SMDT1: variants seen among roughly 807,000 people sequenced by gnomAD.
SMDT1 encodes single-pass membrane protein with aspartate rich tail 1, also known as essential MCU regulator, mitochondrial.
In SMDT1, 6 loss-of-function variants were observed where a neutral mutation model predicts 5.9. The ratio of observed to expected loss-of-function variants is 1.03; its 90% CI spans 0.56 to 2.02. The LOEUF is 2.02. Among genes scored for constraint, SMDT1 ranks in the 30% most tolerant of loss-of-function variants. The pLI is 0.00. For synonymous variants in SMDT1, 81 were observed against 62.4 expected (o/e 1.30, Z -1.40); for missense variants, 159 against 145.6 (o/e 1.09, Z -0.47).
In SMDT1 at chr22:42,084,184, T is replaced by G. The variant is rs1175175508; in HGVS notation, c.*1069T>G. The stretch of plus-strand genomic sequence containing the variant: ...ACTTGGCTTTGCAAAGTGGCACGCC[T>G]GGAGAGAACTTGGAAGCTCCACGCC... On this transcript the variant is annotated 3_prime_UTR_variant, in exon 3 of 3. Coordinates refer to ENST00000331479, the MANE Select transcript of SMDT1 (RefSeq NM_033318.5). The G allele has an allele frequency of 6.6e-6, 1 of 152,256 alleles. No homozygotes were observed. Among genetic ancestry groups the G allele is most frequent in the Admixed American group, 6.5e-5 (1 of 15,284 alleles). 9.4% of individuals were successfully genotyped at this position (152,256 alleles called of 1,614,324 possible). A position where few individuals can be genotyped will look rare whatever the true frequency, so the allele number is the denominator to read the frequency against.
intron 1 of SMDT1, 64 bp downstream of exon 1, chr22:42,080,018 G>A (rs1927653712): frequency 6.6e-6 from 10 of 1,513,080 alleles, no homozygotes; most frequent in Non-Finnish European, 8.9e-6. Flanking sequence ...AGTGCGTGAG[G>A]GCGGCGCTGA....
At chr22:42,081,855 G>A (rs1927803640) in intron 1 of SMDT1, 70 bp from the exon 2 acceptor site, 1 of 1,583,182 alleles carries the variant, frequency 6.3e-7, no homozygotes, top group Non-Finnish European at 8.6e-7. Context: ...GTCTGTGAGA[G>A]GGCCAGGTCT....
chr22:42,079,803 C>T lies in SMDT1; in HGVS notation c.35C>T (p.Ala12Val), dbSNP rs907749381. ...GGAGCGGCTCGCTGGCTAGTATTGGCACCCGTCAGGTCCGGGGCTCTCCGG... is the reference window on the plus strand; with the variant it reads ...GGAGCGGCTCGCTGGCTAGTATTGGTACCCGTCAGGTCCGGGGCTCTCCGG... Reference protein sequence around the residue: ...ASGAARWLVLAPVRSGALRSG... With the variant: ...ASGAARWLVLVPVRSGALRSG... Residue 12 changes from alanine to valine, a missense_variant, in exon 1 of 3, where the codon GCA (alanine) becomes GTA (valine). Ala to Val is a moderately conservative substitution (Grantham distance 64, BLOSUM62 0). Coordinates refer to ENST00000331479, the MANE Select transcript of SMDT1 (RefSeq NM_033318.5). 8 of 1,610,792 alleles carry T rather than the reference C, an allele frequency of 5.0e-6. No individual in the cohort carries two copies. The highest frequency in any genetic ancestry group is 6.8e-6 in the Non-Finnish European group (8 of 1,179,676).
chr22:42,081,845 G>A, intron 1 of SMDT1, 80 bp from the exon 2 acceptor site: 2 of 1,555,180 alleles, frequency 1.3e-6, no homozygotes, highest in Non-Finnish European at 1.8e-6. Context: ...CTGAGGGTAT[G>A]TCTGTGAGAG....
chr22:42,079,912 C>A lies in SMDT1; in HGVS notation c.144C>A (p.Val48=), dbSNP rs1487023343. 6.2e-7 allele frequency: 1 copy of A among 1,613,392 alleles called. No homozygotes were observed. Among genetic ancestry groups the A allele is most frequent in the East Asian group, 2.2e-5 (1 of 44,886 alleles). Residue 48 remains valine (V), a synonymous_variant, in exon 1 of 3, where the codon GTC becomes GTA. Transcript: ENST00000331479. ...GGAGCCTGGTACCGTCGAGGTCAGT[C>A]ATCGTTACCCGCAGCGGCGCCATTT... ...SGRSLVPSRS[V]IVTRSGAILP...
At position 42,083,157 on chromosome 22, in the gene SMDT1, T is replaced by C. The variant is rs1210546521; in HGVS notation, c.*42T>C. 6.6e-6 allele frequency: 1 copy of C among 152,626 alleles called. No homozygotes were observed. The highest frequency in any genetic ancestry group is 2.4e-5 in the African/African-American group (1 of 41,442). 9.5% of individuals were successfully genotyped at this position (152,626 alleles called of 1,614,324 possible). A position where few individuals can be genotyped will look rare whatever the true frequency, so the allele number is the denominator to read the frequency against. On this transcript the variant is annotated 3_prime_UTR_variant, in exon 3 of 3. Coordinates refer to ENST00000331479, the MANE Select transcript of SMDT1 (RefSeq NM_033318.5). The stretch of plus-strand genomic sequence containing the variant: ...GAGAAAGCACTAACTGAAGAAATGG[T>C]GATGCTCTCAGTTTCTCTGCCTTCC...
Position 42,079,759 on chromosome 22 carries a change from AG to A in SMDT1, c.-9del. On this transcript the variant is annotated 5_prime_UTR_variant, in exon 1 of 3. Coordinates refer to ENST00000331479, the MANE Select transcript of SMDT1 (RefSeq NM_033318.5). ...GTGCGGGTGCCCGGGTGAGGGGCGG[AG>A]CTGGGGGCATGGCGTCCGGAGCGGC... is the stretch of plus-strand genomic sequence containing the variant. 6.2e-7 allele frequency: 1 copy of A among 1,602,002 alleles called. No individual in the cohort carries two copies. The highest frequency in any genetic ancestry group is 8.5e-7 in the Non-Finnish European group (1 of 1,177,098).
chr22:42,080,053 A>G, intron 1 of SMDT1, 99 bp downstream of exon 1: 1 of 1,309,032 alleles, frequency 7.6e-7, no homozygotes, highest in Non-Finnish European at 1.0e-6. Flanking sequence ...GGCCAATCAT[A>G]ACGATTACCG....
Position 42,082,013 on chromosome 22 carries a change from T to C in SMDT1, c.275T>C (p.Leu92Pro). ...ATTAGCAAGAACTTTGCTGCTCTAC[T>C]TGAGGAACATGACATTTTTGTTCCA... ...TLISKNFAAL[L>P]EEHDIFVPED... is the part of the protein sequence containing the mutation. The change falls in exon 2 of 3, where the codon CTT (leucine) becomes CCT (proline). Residue 92 changes from leucine (L) to proline (P), a missense_variant. Coordinates refer to ENST00000331479, the MANE Select transcript of SMDT1 (RefSeq NM_033318.5). 1.5e-5 allele frequency: 24 copies of C among 1,613,974 alleles called. No individual in the cohort carries two copies. Among genetic ancestry groups the C allele is most frequent in the Non-Finnish European group, 1.9e-5 (22 of 1,180,038 alleles).
Position 42,079,882 on chromosome 22 carries a change from A to G in SMDT1, c.114A>G (p.Ser38=). Residue 38 remains serine, a synonymous_variant, in exon 1 of 3, where the codon TCA becomes TCG. Coordinates refer to ENST00000331479, the MANE Select transcript of SMDT1 (RefSeq NM_033318.5). Reference sequence around the variant, plus strand: ...ATGTCTCCGCCGCATGGAGCGGCTCAGGCCGGAGCCTGGTACCGTCGAGGT... The same window carrying G: ...ATGTCTCCGCCGCATGGAGCGGCTCGGGCCGGAGCCTGGTACCGTCGAGGT... ...DGDVSAAWSG[S]GRSLVPSRSV... 1.9e-6 allele frequency: 3 copies of G among 1,614,186 alleles called. No homozygotes were observed. Among genetic ancestry groups the G allele is most frequent in the Non-Finnish European group, 2.5e-6 (3 of 1,180,020 alleles).
rs999308566 is a variant in SMDT1 at position 42,079,708 on chromosome 22, G to A, written c.-61G>A. 2.2e-5 allele frequency: 34 copies of A among 1,532,036 alleles called. No individual in the cohort carries two copies. The Middle Eastern group carries it at 6.3e-4, about 28-fold the overall frequency. The allele number at this position is 1,532,036 out of a possible 1,614,324, so 94.9% of individuals were successfully genotyped here. On this transcript the variant is annotated 5_prime_UTR_variant, in exon 1 of 3. Coordinates refer to ENST00000331479, the MANE Select transcript of SMDT1 (RefSeq NM_033318.5). The stretch of plus-strand genomic sequence containing the variant: ...AGGCTTCGGGCGGCTTTCTTCCCGA[G>A]GGCGGCACGAGGGCTGGGCGGTGGG...
At chr22:42,080,056 G>T in intron 1 of SMDT1, 102 bp downstream of exon 1, 1 of 1,280,716 alleles carries the variant, frequency 7.8e-7, no homozygotes. Context: ...CAATCATAAC[G>T]ATTACCGTAG....
chr22:42,083,885 C>T lies in SMDT1; in HGVS notation c.*770C>T, dbSNP rs751844133. On this transcript the variant is annotated 3_prime_UTR_variant, in exon 3 of 3. Transcript: ENST00000331479. ...ACTAAAAGTATAATCTTCCTTTGCC[C>T]GTCTTCCAGTTGGCCATAAAAAGAA... is the stretch of plus-strand genomic sequence containing the variant. The T allele has an allele frequency of 3.3e-5, 5 of 152,148 alleles. No individual in the cohort carries two copies. Among genetic ancestry groups the T allele is most frequent in the Non-Finnish European group, 5.9e-5 (4 of 68,034 alleles). 9.4% of individuals were successfully genotyped at this position (152,148 alleles called of 1,614,324 possible). A position where few individuals can be genotyped will look rare whatever the true frequency, so the allele number is the denominator to read the frequency against.
chr22:42,079,995 A>T (rs1262811258), intron 1 of SMDT1, 41 bp downstream of exon 1: 2 of 1,575,882 alleles, frequency 1.3e-6, no homozygotes, highest in African/African-American at 2.7e-5. Context: ...GGCTGAGGCC[A>T]ATCATTGTGG....
At chr22:42,082,555 C>T (rs1927870010) in intron 2 of SMDT1, among the ~76,000 whole-genome samples, 1 of 152,208 alleles carries the variant, frequency 6.6e-6, no homozygotes, top group African/African-American at 2.4e-5. Context: ...GATGAGGACA[C>T]TCCTGTTCCT....
chr22:42,080,834 A>G (rs956854490), intron 1 of SMDT1, among the ~76,000 whole-genome samples: 3 of 152,238 alleles, frequency 2.0e-5, no homozygotes, highest in Admixed American at 6.5e-5. Context: ...CAATCCATCT[A>G]AAGTCTTTGA....
In SMDT1 at chr22:42,083,542, CTG is replaced by C. The variant is rs926045018; in HGVS notation, c.*430_*431del. ...ATTGTTTACAAAAGCCCAACAGAAA[CTG>C]TGCATTTTCCCTTAAGAAAGCTTCA... On this transcript the variant is annotated 3_prime_UTR_variant, in exon 3 of 3. Coordinates refer to ENST00000331479, the MANE Select transcript of SMDT1 (RefSeq NM_033318.5). The C allele has an allele frequency of 3.9e-5, 6 of 152,188 alleles. No homozygotes were observed. Among genetic ancestry groups the C allele is most frequent in the African/African-American group, 7.2e-5 (3 of 41,444 alleles). 9.4% of individuals were successfully genotyped at this position (152,188 alleles called of 1,614,324 possible).
At position 42,079,915 on chromosome 22, in the gene SMDT1, C is replaced by G. The variant is rs902647555; in HGVS notation, c.147C>G (p.Ile49Met). ...GCCTGGTACCGTCGAGGTCAGTCAT[C>G]GTTACCCGCAGCGGCGCCATTTTGC... Reference protein sequence around the residue: ...GRSLVPSRSVIVTRSGAILPK... With the variant: ...GRSLVPSRSVMVTRSGAILPK... The change falls in exon 1 of 3, where the codon ATC becomes ATG. Residue 49 changes from isoleucine (I) to methionine (M), a missense_variant. Transcript: ENST00000331479. The G allele has an allele frequency of 6.2e-7, 1 of 1,613,380 alleles. No individual in the cohort carries two copies. Among genetic ancestry groups the G allele is most frequent in the Non-Finnish European group, 8.5e-7 (1 of 1,179,730 alleles).
rs772522686 is a variant in SMDT1, at chr22:42,079,950, T to G, written c.182T>G (p.Val61Gly). 2.5e-6 allele frequency: 4 copies of G among 1,610,712 alleles called. No homozygotes were observed. The highest frequency in any genetic ancestry group is 3.4e-6 in the Non-Finnish European group (4 of 1,177,906). Residue 61 changes from valine to glycine, a missense_variant, in exon 1 of 3, where the codon GTG becomes GGG. Coordinates refer to ENST00000331479, the MANE Select transcript of SMDT1 (RefSeq NM_033318.5). ...AGCGGCGCCATTTTGCCCAAACCGG[T>G]GAAAGTGAGTGTCCTCCTGGAGACG... The part of the protein sequence containing the change: ...TRSGAILPKP[V>G]KMSFGLLRVF...
Sources: gnomAD v4.1 joint callset for allele counts (sites outside exome capture counted in the v4.1 genomes callset) on GRCh38, gnomAD v4.1.1 for gene constraint, MANE v1.5 for transcripts, NCBI Gene and HGNC (gene_info 2026-07-23, HGNC 2026-07-21) for gene names.